Variants in SMAD6 observed in about 807,000 individuals in gnomAD.
The protein encoded by SMAD6 is MAD homolog 6.
Under a neutral mutation model 39.4 loss-of-function variants are expected in SMAD6, and 103 were observed. The observed-to-expected ratio is 2.62, with a 90% CI of 2.23 to 3.08. SMAD6 has a LOEUF of 3.08. SMAD6 is among the 30% of genes most tolerant of loss of function. SMAD6 has a pLI of 0.00. For synonymous variants in SMAD6, 445 were observed against 353.3 expected, an observed-to-expected ratio of 1.26 and a Z score of -2.91; for missense variants, 1,104 against 742.9, an observed-to-expected ratio of 1.49 and a Z score of -5.65.
chr15:66,759,316 A>G (rs1307408097), intron 3 of SMAD6, among the ~76,000 whole-genome samples: 1 of 149,654 alleles, frequency 6.7e-6, no homozygotes, highest in Admixed American at 6.8e-5. Flanking sequence ...AGAAGTGCAC[A>G]GACCTACTGG....
In SMAD6 at chr15:66,703,513, C is replaced by T. The variant is rs1375183058; in HGVS notation, c.255C>T (p.Arg85=). 8.2e-7 allele frequency: 1 copy of T among 1,222,586 alleles called. No individual in the cohort carries two copies. Among genetic ancestry groups the T allele is most frequent in the South Asian group, 4.1e-5 (1 of 24,350 alleles). The allele number at this position is 1,222,586 out of a possible 1,614,324, so 75.7% of individuals were successfully genotyped here. The change falls in exon 1 of 4, where the codon CGC becomes CGT. Residue 85 remains arginine, a synonymous_variant. Coordinates refer to ENST00000288840, the MANE Select transcript of SMAD6 (RefSeq NM_005585.5). ...RGAQGAGRRR[R]AGGPPRPMSE... ...CCCAGGGCGCGGGGAGGCGCCGGCG[C>T]GCAGGGGGCCCCCCGAGGCCCATGT... is the stretch of plus-strand genomic sequence containing the variant.
At chr15:66,763,036 G>A (rs191644063) in intron 3 of SMAD6, among the ~76,000 whole-genome samples, 130 of 151,914 alleles carry the variant, frequency 8.6e-4, no homozygotes, top group South Asian at 1.4e-3. Context: ...TTCACGCAGT[G>A]GGTACAGTCA....
chr15:66,781,111 T>C lies in SMAD6; in HGVS notation c.1067T>C (p.Ile356Thr). 6.2e-7 allele frequency: 1 copy of C among 1,609,050 alleles called. No individual in the cohort carries two copies. Among genetic ancestry groups the C allele is most frequent in the African/African-American group, 1.3e-5 (1 of 75,040 alleles). The change falls in exon 4 of 4, where the codon ATC (isoleucine) becomes ACC (threonine). Residue 356 changes from isoleucine (I) to threonine (T), a missense_variant. By Grantham distance (89) the Ile-to-Thr change is moderately conservative. Coordinates refer to ENST00000288840, the MANE Select transcript of SMAD6 (RefSeq NM_005585.5). Reference sequence around the variant, plus strand: ...GCGGTGTACGACCAGGCCGTCAGCATCTTCTACGACCTACCTCAGGGCAGC... The same window carrying C: ...GCGGTGTACGACCAGGCCGTCAGCACCTTCTACGACCTACCTCAGGGCAGC... Reference protein sequence around the residue: ...LYAVYDQAVSIFYDLPQGSGF... With the variant: ...LYAVYDQAVSTFYDLPQGSGF...
At position 66,725,003 on chromosome 15, in the gene SMAD6, G is replaced by A. The variant is rs536252221; in HGVS notation, c.952+8505G>A. Reference sequence around the variant, plus strand: ...GCCTAATCACAACCATCTGCCTGCCGGGCTCTAGGGTCCCCCTCCTCCTAT... The same window carrying A: ...GCCTAATCACAACCATCTGCCTGCCAGGCTCTAGGGTCCCCCTCCTCCTAT... On this transcript the variant is annotated intron_variant, in intron 3 of 3. Transcript: ENST00000288840. 4.1e-4 allele frequency among the ~76,000 whole-genome samples: 63 copies of A among 152,238 alleles called. No individual in the cohort carries two copies. The Middle Eastern group carries it at 0.014, about 33-fold the overall frequency.
chr15:66,714,494 G>A (rs1254972984), intron 2 of SMAD6, among the ~76,000 whole-genome samples: 1 of 152,198 alleles, frequency 6.6e-6, no homozygotes, highest in African/African-American at 2.4e-5. Context: ...AGCCAGGCTT[G>A]TCCATTTCCA....
rs541850220 is a variant in SMAD6, at chr15:66,754,010, C to G, written c.953-26987C>G. On this transcript the variant is annotated intron_variant, in intron 3 of 3. Transcript: ENST00000288840. ...GGTGGGTGGTCATGGGCTCATCTGCCCTGCTTTGTAAAAGTAAAAATCCCA... is the reference window on the plus strand; with the variant it reads ...GGTGGGTGGTCATGGGCTCATCTGCGCTGCTTTGTAAAAGTAAAAATCCCA... Among the ~76,000 whole-genome samples the G allele has an allele frequency of 1.8e-4, 28 of 152,268 alleles. No individual in the cohort carries two copies. The South Asian group carries it at 5.8e-3, about 32-fold the overall frequency.
At chr15:66,722,638 A>C (rs1044140008) in intron 3 of SMAD6, among the ~76,000 whole-genome samples, 29 of 152,182 alleles carry the variant, frequency 1.9e-4, no homozygotes, top group African/African-American at 6.8e-4. Flanking sequence ...GGTATTTACT[A>C]CTCACATCAA....
chr15:66,767,044 T>C (rs1254522073), intron 3 of SMAD6, among the ~76,000 whole-genome samples: 2 of 152,188 alleles, frequency 1.3e-5, no homozygotes, highest in Non-Finnish European at 2.9e-5. Flanking sequence ...CTGAGAAATA[T>C]GAAACTCTTA....
At chr15:66,705,419 G>A (rs1366698910) in intron 1 of SMAD6, 1 of 152,202 alleles carries the variant, frequency 6.6e-6, no homozygotes, top group Non-Finnish European at 1.5e-5. Context: ...AGCAGCCCCT[G>A]ATCTGTGGCT....
In SMAD6 at chr15:66,703,365, A is replaced by G. The variant is rs763029325; in HGVS notation, c.107A>G (p.Asp36Gly). ...GSGGGGGGDE[D>G]GSLGSRAEPA... ...GGCGGCGGCGGTGGCGGCGACGAGG[A>G]TGGGAGCTTGGGCAGCCGAGCTGAG... is the stretch of plus-strand genomic sequence containing the variant. The change falls in exon 1 of 4, where the codon GAT (aspartate) becomes GGT (glycine). Residue 36 changes from aspartate (D) to glycine (G), a missense_variant. Physicochemically the swap from Asp to Gly is moderately conservative, Grantham distance 94 (BLOSUM62 -1). Coordinates refer to ENST00000288840, the MANE Select transcript of SMAD6 (RefSeq NM_005585.5). 12 of 1,473,874 alleles carry G rather than the reference A, an allele frequency of 8.1e-6. No individual in the cohort carries two copies. In the East Asian group the frequency reaches 1.2e-4, roughly 15 times the overall value. The allele number at this position is 1,473,874 out of a possible 1,614,324, so 91.3% of individuals were successfully genotyped here. A position where few individuals can be genotyped will look rare whatever the true frequency, so the allele number is the denominator to read the frequency against.
Position 66,704,093 on chromosome 15 carries a change from G to C in SMAD6, c.817+18G>C, listed in dbSNP as rs1209448805. Reference sequence around the variant, plus strand: ...CGGGCCCGGTGAGCGCGCTGCGCCGGCCGGGGGGGCCCCGGGTCCCCGTCC... The same window carrying C: ...CGGGCCCGGTGAGCGCGCTGCGCCGCCCGGGGGGGCCCCGGGTCCCCGTCC... On this transcript the variant is annotated intron_variant, in intron 1 of 3. Coordinates refer to ENST00000288840, the MANE Select transcript of SMAD6 (RefSeq NM_005585.5). 9 of 1,431,962 alleles carry C rather than the reference G, an allele frequency of 6.3e-6. No individual in the cohort carries two copies. Among genetic ancestry groups the C allele is most frequent in the South Asian group, 1.4e-5 (1 of 70,960 alleles). 88.7% of individuals were successfully genotyped at this position (1,431,962 alleles called of 1,614,324 possible).
At chr15:66,774,421 A>G (rs2140673031) in intron 3 of SMAD6, among the ~76,000 whole-genome samples, 1 of 152,202 alleles carries the variant, frequency 6.6e-6, no homozygotes, top group Admixed American at 6.5e-5. Context: ...AGGCGTAGAG[A>G]AAAGAATGCC....
At position 66,710,087 on chromosome 15, in the gene SMAD6, G is replaced by A. The variant is rs997460669; in HGVS notation, c.818-1581G>A. The stretch of plus-strand genomic sequence containing the variant: ...CCACCTTATTGGGTGGCAGAGCAGA[G>A]TCAGGCCTGGACTGGAATCCCAGCT... On this transcript the variant is annotated intron_variant, in intron 1 of 3. Coordinates refer to ENST00000288840, the MANE Select transcript of SMAD6 (RefSeq NM_005585.5). Among the ~76,000 whole-genome samples the A allele has an allele frequency of 6.6e-5, 10 of 152,340 alleles. No homozygotes were observed. The East Asian group carries it at 1.9e-3, about 29-fold the overall frequency.
intron 3 of SMAD6, among the ~76,000 whole-genome samples, chr15:66,768,791 C>T (rs530621246): frequency 6.6e-6 from 1 of 152,306 alleles, no homozygotes; most frequent in East Asian, 1.9e-4. Context: ...TTCAAAAGCC[C>T]TTCCAGCCTT....
chr15:66,767,599 C>A (rs1041517093), intron 3 of SMAD6, among the ~76,000 whole-genome samples: 5 of 152,258 alleles, frequency 3.3e-5, no homozygotes, highest in Non-Finnish European at 5.9e-5. Flanking sequence ...CCATGTACTT[C>A]TGCCAAGCCA....
chr15:66,759,015 CTG>C (rs1234855285), intron 3 of SMAD6, among the ~76,000 whole-genome samples: 2 of 152,224 alleles, frequency 1.3e-5, no homozygotes, highest in African/African-American at 4.8e-5. Context: ...CACACAGTCT[CTG>C]TTGCAACAAT....
chr15:66,703,610 G>T lies in SMAD6; in HGVS notation c.352G>T (p.Glu118Ter), dbSNP rs1324979905. 3 of 1,230,482 alleles carry T rather than the reference G, an allele frequency of 2.4e-6. No individual in the cohort carries two copies. The highest frequency in any genetic ancestry group is 4.3e-5 in the Admixed American group (1 of 23,240). The allele number at this position is 1,230,482 out of a possible 1,614,324, so 76.2% of individuals were successfully genotyped here. ...GCCGGGAGGCCCGGGCTGGCTGCCC[G>T]AGAGTGACTGCGAGACGGTGACCTG... ...AEPGGPGWLP[E>*]SDCETVTCCL... is the part of the protein sequence containing the mutation. Residue 118 changes from glutamate (E) to a stop codon, truncating the protein, a stop_gained, in exon 1 of 4, where the codon GAG becomes TAG. Transcript: ENST00000288840. LOFTEE classifies it high-confidence loss of function.
At chr15:66,742,186 G>A (rs749122172) in intron 3 of SMAD6, among the ~76,000 whole-genome samples, 2 of 152,150 alleles carry the variant, frequency 1.3e-5, no homozygotes, top group Non-Finnish European at 2.9e-5. Flanking sequence ...CACGACACAG[G>A]TACAGTGGTG....
intron 2 of SMAD6, 72 bp from the exon 3 acceptor site, chr15:66,716,349 T>A: frequency 9.5e-7 from 1 of 1,050,070 alleles, no homozygotes; most frequent in Non-Finnish European, 1.5e-6. Context: ...TGTACAGAGA[T>A]GCATGAGAAA....
Sources: allele counts gnomAD v4.1 joint callset (sites outside exome capture counted in the v4.1 genomes callset), GRCh38; gene constraint gnomAD v4.1.1; transcripts MANE v1.5; gene names NCBI Gene and HGNC (gene_info 2026-07-23, HGNC 2026-07-21).